The following MYO18B variants were observed in gnomAD, a reference collection of about 807,000 sequenced individuals.
MYO18B encodes the protein unconventional myosin-XVIIIb.
A neutral mutation model predicts 273.0 loss-of-function variants in MYO18B; 204 were observed. The ratio of observed to expected loss-of-function variants is 0.75; its 90% confidence interval spans 0.67 to 0.84. The LOEUF (loss-of-function observed/expected upper bound fraction) is 0.84. MYO18B is among the 40% of genes least tolerant of loss of function. The probability of loss-of-function intolerance (pLI) is 0.00; values close to 1 mark genes in which losing one functional copy is unlikely to be tolerated. For synonymous variants in MYO18B, 1,330 were observed against 1,305.7 expected, an observed-to-expected ratio of 1.02 and a Z score of -0.40; for missense variants, 3,212 against 3,287.6, an observed-to-expected ratio of 0.98 and a Z score of 0.56.
chr22:25,871,532 T>C (rs2091044395), intron 22 of MYO18B, among the ~76,000 whole-genome samples: 1 of 152,150 alleles, frequency 6.6e-6, no homozygotes, highest in Non-Finnish European at 1.5e-5. Flanking sequence ...CCTTCAGCAT[T>C]GTTAGAGGAA....
At position 25,829,522 on chromosome 22, in the gene MYO18B, T is replaced by TTA. The variant is rs752155333; in HGVS notation, c.2979+554_2979+555insTA. ...GATCCTGCCAGCCCTTCTTTTTTCA[T>TTA]AAAAAAAAAAAAAAAGAGGTTAAGT... On this transcript the variant is annotated intron_variant, in intron 15 of 43. Coordinates refer to ENST00000335473, the MANE Select transcript of MYO18B (RefSeq NM_032608.7). Among the ~76,000 whole-genome samples, 182 of 139,394 alleles carry TTA rather than the reference T, an allele frequency of 1.3e-3. 2 individuals carry two copies. The highest frequency in any genetic ancestry group is 3.6e-3 in the Middle Eastern group (1 of 274). The allele number at this position is 139,394 out of a possible 152,430, so 91.4% of individuals were successfully genotyped here. A position where few individuals can be genotyped will look rare whatever the true frequency, so the allele number is the denominator to read the frequency against.
intron 27 of MYO18B, among the ~76,000 whole-genome samples, chr22:25,893,429 A>G (rs528616086): frequency 1.3e-5 from 2 of 152,282 alleles, no homozygotes; most frequent in East Asian, 1.9e-4. Context: ...GAAGGTAGAG[A>G]TGAGCCTTGA....
At chr22:26,001,853 G>C (rs750917630) in intron 40 of MYO18B, among the ~76,000 whole-genome samples, 1 of 152,220 alleles carries the variant, frequency 6.6e-6, no homozygotes, top group Non-Finnish European at 1.5e-5. Context: ...GAGTCAGCCA[G>C]GGTAAATAGT....
rs199688507 is a variant in MYO18B, at chr22:25,799,385, T to C, written c.2521+1288T>C. On this transcript the variant is annotated intron_variant, in intron 12 of 43. Transcript: ENST00000335473. ...CAAAAGCTGCTCCCTTTTTTGGCAATATAGAAGGTTCTGGGGAGAGAGTGG... is the reference window on the plus strand; with the variant it reads ...CAAAAGCTGCTCCCTTTTTTGGCAACATAGAAGGTTCTGGGGAGAGAGTGG... Among the ~76,000 whole-genome samples the C allele has an allele frequency of 1.2e-4, 19 of 152,266 alleles. No homozygotes were observed. In the East Asian group the frequency reaches 2.7e-3, roughly 22 times the overall value.
At chr22:25,985,959 A>G (rs143735622) in intron 39 of MYO18B, among the ~76,000 whole-genome samples, 1 of 151,976 alleles carries the variant, frequency 6.6e-6, no homozygotes, top group African/African-American at 2.4e-5. Flanking sequence ...CCCACTTCAC[A>G]CCCTCCAGCG....
intron 39 of MYO18B, among the ~76,000 whole-genome samples, chr22:25,990,829 A>T (rs2093262505): frequency 6.6e-6 from 1 of 150,986 alleles, no homozygotes; most frequent in Non-Finnish European, 1.5e-5. Flanking sequence ...TTGACCCCAC[A>T]TCCTCAAATT....
intron 28 of MYO18B, chr22:25,896,737 T>A (rs1175590562): frequency 6.6e-6 from 1 of 152,114 alleles, no homozygotes; most frequent in African/African-American, 2.4e-5. Context: ...ACAAATGGTG[T>A]GCTAGTAAAT....
chr22:25,752,422 C>T (rs1397269307), intron 1 of MYO18B, among the ~76,000 whole-genome samples: 1 of 151,534 alleles, frequency 6.6e-6, no homozygotes. Context: ...CTCCTGACCT[C>T]GTGATCCGCC....
At chr22:25,948,763 A>G (rs1457186201) in intron 36 of MYO18B, among the ~76,000 whole-genome samples, 2 of 152,070 alleles carry the variant, frequency 1.3e-5, no homozygotes, top group Admixed American at 6.6e-5. Flanking sequence ...ATGGTCACCC[A>G]GAGCAGAGGG....
In MYO18B at chr22:25,870,686, C is replaced by T. The variant is rs1380079283; in HGVS notation, c.3951+2301C>T. 2.0e-5 allele frequency among the ~76,000 whole-genome samples: 3 copies of T among 152,132 alleles called. No individual in the cohort carries two copies. In the South Asian group the frequency reaches 6.2e-4, roughly 32 times the overall value. On this transcript the variant is annotated intron_variant, in intron 22 of 43. Transcript: ENST00000335473. Reference sequence around the variant, plus strand: ...ACCAGCAGTTCTCAAAGTATGGGCCCTGAACCAGCAGCATCAGCATCGCCC... The same window carrying T: ...ACCAGCAGTTCTCAAAGTATGGGCCTTGAACCAGCAGCATCAGCATCGCCC...
the MYO18B span, among the ~76,000 whole-genome samples, chr22:26,050,244 A>G: frequency 6.6e-6 from 1 of 152,220 alleles, no homozygotes; most frequent in African/African-American, 2.4e-5. Context: ...GGCCAGATAC[A>G]GACTCACAGA....
At chr22:25,753,569 A>G (rs898466607) in intron 1 of MYO18B, among the ~76,000 whole-genome samples, 1 of 152,198 alleles carries the variant, frequency 6.6e-6, no homozygotes, top group Non-Finnish European at 1.5e-5. Flanking sequence ...GCTCTTTGCA[A>G]TAATTCTTGC....
chr22:25,912,187 C>CA (rs1319440164), intron 33 of MYO18B, among the ~76,000 whole-genome samples: 1 of 152,186 alleles, frequency 6.6e-6, no homozygotes, highest in Non-Finnish European at 1.5e-5. Context: ...AGCAGGGACA[C>CA]ACGCGGCAAG....
intron 15 of MYO18B, among the ~76,000 whole-genome samples, chr22:25,830,899 C>T (rs953860120): frequency 6.6e-6 from 1 of 152,196 alleles, no homozygotes; most frequent in African/African-American, 2.4e-5. Flanking sequence ...CCGTTTTGAA[C>T]ATTTAATGAA....
chr22:25,829,192 C>T (rs769943146), intron 15 of MYO18B, among the ~76,000 whole-genome samples: 1 of 152,230 alleles, frequency 6.6e-6, no homozygotes, highest in Non-Finnish European at 1.5e-5. Flanking sequence ...CCAGAAGCAC[C>T]AAGGAACTCG....
intron 25 of MYO18B, among the ~76,000 whole-genome samples, chr22:25,880,272 A>G (rs2091301941): frequency 1.3e-5 from 2 of 152,224 alleles, no homozygotes; most frequent in Non-Finnish European, 2.9e-5. Context: ...TCCCTGATGA[A>G]CAAAACATCA....
intron 37 of MYO18B, 128 bp from the exon 38 acceptor site, chr22:25,952,158 A>C (rs536014697): frequency 1.9e-6 from 2 of 1,044,278 alleles, no homozygotes; most frequent in South Asian, 3.2e-5. Flanking sequence ...TTTAACATGC[A>C]GCACACCTGA....
At chr22:25,970,952 C>T (rs560736662) in intron 39 of MYO18B, among the ~76,000 whole-genome samples, 26 of 152,282 alleles carry the variant, frequency 1.7e-4, no homozygotes, top group African/African-American at 6.0e-4. Flanking sequence ...AGATGATTTT[C>T]GGTTTTTGCT....
chr22:25,752,502 A>G (rs2085963421), intron 1 of MYO18B, among the ~76,000 whole-genome samples: 1 of 152,018 alleles, frequency 6.6e-6, no homozygotes, highest in African/African-American at 2.4e-5. Context: ...TTAATTTTTT[A>G]AGAGACAGAG....
Sources: allele counts gnomAD v4.1 joint callset (sites outside exome capture counted in the v4.1 genomes callset), GRCh38; gene constraint gnomAD v4.1.1; transcripts MANE v1.5; gene names NCBI Gene and HGNC (gene_info 2026-07-23, HGNC 2026-07-21).